PACRG: variants seen among roughly 807,000 people sequenced by gnomAD.
The protein encoded by PACRG is parkin coregulated.
A neutral mutation model predicts 29.7 loss-of-function variants in PACRG; 29 were observed. The ratio of observed to expected loss-of-function variants is 0.98; its 90% confidence interval spans 0.73 to 1.33. PACRG has a LOEUF of 1.33. Among genes scored for constraint, PACRG ranks in the 40% most tolerant of loss-of-function variants. The probability of loss-of-function intolerance (pLI) is 0.00; values close to 1 mark genes in which losing one functional copy is unlikely to be tolerated. For missense variants in PACRG, 279 were observed against 316.2 expected, an observed-to-expected ratio of 0.88 and a Z score of 0.89; for synonymous variants, 116 against 118.7, an observed-to-expected ratio of 0.98 and a Z score of 0.15.
intron 4 of PACRG, among the ~76,000 whole-genome samples, chr6:163,259,529 G>C (rs117224024): frequency 9.5e-4 from 145 of 152,172 alleles, no homozygotes; most frequent in Non-Finnish European, 1.8e-3. Flanking sequence ...AGGTGACCTG[G>C]TGTCCATACG....
Position 163,125,366 on chromosome 6 carries a change from GT to G in PACRG, c.613+35960del, listed in dbSNP as rs943950373. ...GAAGCCATTTTCAACCACAGAACAG[GT>G]TCTAGGAAGTATAAGGAAAAGATTG... On this transcript the variant is annotated intron_variant, in intron 4 of 4. Coordinates refer to ENST00000366888, the MANE Select transcript of PACRG (RefSeq NM_001080379.2). Among the ~76,000 whole-genome samples, 215 of 152,242 alleles carry G rather than the reference GT, an allele frequency of 1.4e-3. 2 individuals are homozygous for G. Among genetic ancestry groups the G allele is most frequent in the African/African-American group, 5.1e-3 (210 of 41,552 alleles).
intron 3 of PACRG, among the ~76,000 whole-genome samples, chr6:163,072,887 A>G (rs1812205734): frequency 6.6e-6 from 1 of 152,154 alleles, no homozygotes; most frequent in Non-Finnish European, 1.5e-5. Context: ...AGTACCTAAG[A>G]ATTAACCAAA....
chr6:162,947,311 AAT>A (rs1327890846), intron 2 of PACRG, among the ~76,000 whole-genome samples: 4 of 90,706 alleles, frequency 4.4e-5, no homozygotes, highest in Non-Finnish European at 9.1e-5. Flanking sequence ...TAATATATAT[AAT>A]CATATATAAT....
At chr6:163,017,904 A>C (rs1343985202) in intron 2 of PACRG, among the ~76,000 whole-genome samples, 1 of 151,972 alleles carries the variant, frequency 6.6e-6, no homozygotes, top group Non-Finnish European at 1.5e-5. Flanking sequence ...TTTTTATGTG[A>C]CACTGTATTT....
intron 2 of PACRG, among the ~76,000 whole-genome samples, chr6:162,945,588 T>C (rs959798935): frequency 6.6e-6 from 1 of 151,998 alleles, no homozygotes; most frequent in Non-Finnish European, 1.5e-5. Context: ...ATTAGACAAA[T>C]TGTATAGACA....
intron 4 of PACRG, among the ~76,000 whole-genome samples, chr6:163,207,758 A>T (rs1780966180): frequency 6.6e-6 from 1 of 152,226 alleles, no homozygotes; most frequent in Non-Finnish European, 1.5e-5. Flanking sequence ...CAAAATTAAA[A>T]TATAAGACTG....
intron 1 of PACRG, among the ~76,000 whole-genome samples, chr6:162,776,523 G>A (rs149146812): frequency 3.0e-4 from 46 of 152,290 alleles, no homozygotes; most frequent in East Asian, 7.7e-4. Context: ...TAAAGATAGC[G>A]TCCAGATTCT....
chr6:163,140,296 A>G (rs1817101351), intron 4 of PACRG, among the ~76,000 whole-genome samples: 1 of 152,152 alleles, frequency 6.6e-6, no homozygotes, highest in South Asian at 2.1e-4. Context: ...CTGAAGCCTC[A>G]GGCCTCCTGA....
At chr6:162,907,972 G>C (rs535620510) in intron 2 of PACRG, among the ~76,000 whole-genome samples, 1 of 152,028 alleles carries the variant, frequency 6.6e-6, no homozygotes, top group Non-Finnish European at 1.5e-5. Flanking sequence ...GAAAACCTAA[G>C]AGCTGTGATA....
At chr6:162,886,991 T>A (rs1052711647) in intron 2 of PACRG, among the ~76,000 whole-genome samples, 3 of 152,210 alleles carry the variant, frequency 2.0e-5, no homozygotes, top group Admixed American at 6.5e-5. Flanking sequence ...CACTGCAACC[T>A]CTGCCTCTCA....
chr6:162,826,773 T>C (rs1036201701), intron 2 of PACRG, among the ~76,000 whole-genome samples: 4 of 152,302 alleles, frequency 2.6e-5, no homozygotes, highest in African/African-American at 9.6e-5. Context: ...AAGATTTTAA[T>C]TGTCATACTG....
intron 4 of PACRG, among the ~76,000 whole-genome samples, chr6:163,130,393 A>G (rs146455880): frequency 1.9e-3 from 291 of 152,212 alleles, no homozygotes; most frequent in African/African-American, 6.5e-3. Context: ...TTAAGTCAGG[A>G]ACTAATTTTT....
At position 163,301,149 on chromosome 6, in the gene PACRG, A is replaced by C. The variant is rs140622648; in HGVS notation, c.614-13678A>C. ...CACATCCGCTGCTTCCTGTTGGCTT[A>C]TCAGGGCTGCATGTCTCACAGTCAG... On this transcript the variant is annotated intron_variant, in intron 4 of 4. Coordinates refer to ENST00000366888, the MANE Select transcript of PACRG (RefSeq NM_001080379.2). 1.1e-4 allele frequency among the ~76,000 whole-genome samples: 17 copies of C among 152,246 alleles called. No individual in the cohort carries two copies. In the South Asian group the frequency reaches 3.3e-3, roughly 30 times the overall value.
chr6:163,075,355 A>G (rs1350037346), intron 3 of PACRG, among the ~76,000 whole-genome samples: 1 of 152,182 alleles, frequency 6.6e-6, no homozygotes. Context: ...ATTTTGTACA[A>G]ATTTTTCCAG....
chr6:163,180,277 A>G (rs1487290022), intron 4 of PACRG, among the ~76,000 whole-genome samples: 1 of 152,234 alleles, frequency 6.6e-6, no homozygotes, highest in African/African-American at 2.4e-5. Context: ...ATCCTTGTGA[A>G]GATGAACAGT....
intron 3 of PACRG, among the ~76,000 whole-genome samples, chr6:163,085,784 G>A (rs766694662): frequency 1.3e-5 from 2 of 152,148 alleles, no homozygotes; most frequent in Non-Finnish European, 2.9e-5. Flanking sequence ...CTGCTTAAAC[G>A]CCCTGTCCTT....
chr6:162,786,693 T>C (rs9458645), intron 1 of PACRG, among the ~76,000 whole-genome samples: 99,608 of 151,722 alleles, frequency 0.66, 33,298 homozygotes, highest in South Asian at 0.82. Flanking sequence ...GAAAGTTGAC[T>C]GGGGCTTTTG....
intron 4 of PACRG, among the ~76,000 whole-genome samples, chr6:163,282,736 A>G (rs1378406245): frequency 3.9e-5 from 6 of 152,172 alleles, no homozygotes; most frequent in East Asian, 3.9e-4. Flanking sequence ...AAAGAAAAGA[A>G]ATTCATCTTA....
At chr6:163,251,608 C>T (rs1411109576) in intron 4 of PACRG, among the ~76,000 whole-genome samples, 1 of 152,166 alleles carries the variant, frequency 6.6e-6, no homozygotes, top group Non-Finnish European at 1.5e-5. Context: ...ATGAGGTCAA[C>T]AGTATAAGGG....
Sources: gnomAD v4.1 joint callset for allele counts (sites outside exome capture counted in the v4.1 genomes callset) on GRCh38, gnomAD v4.1.1 for gene constraint, MANE v1.5 for transcripts, NCBI Gene and HGNC (gene_info 2026-07-23, HGNC 2026-07-21) for gene names.